The following NHSL3 variants were observed in gnomAD, a reference collection of about 807,000 sequenced individuals.
NHSL3 encodes the protein NHS-like protein 3.
At chr1:32,755,172 GAGTGCCT>G in the NHSL3 span, among the ~76,000 whole-genome samples, 2 of 152,272 alleles carry the variant, frequency 1.3e-5, no homozygotes, top group African/African-American at 4.8e-5. Context: ...GGGCTATCGA[GAGTGCCT>G]AGTTACTGGT....
At chr1:32,760,163 A>C in the NHSL3 span, among the ~76,000 whole-genome samples, 1 of 152,324 alleles carries the variant, frequency 6.6e-6, no homozygotes, top group African/African-American at 2.4e-5. Flanking sequence ...GGCCAGGGAC[A>C]GTTCAGACAG....
the NHSL3 span, among the ~76,000 whole-genome samples, chr1:32,762,797 C>T: frequency 6.6e-6 from 1 of 152,032 alleles, no homozygotes; most frequent in Non-Finnish European, 1.5e-5. Flanking sequence ...ACCATATTGA[C>T]CAGGCTGGTC....
the NHSL3 span, chr1:32,771,329 T>C: frequency 6.3e-7 from 1 of 1,594,298 alleles, no homozygotes; most frequent in Admixed American, 1.7e-5. Context: ...TTGACTCCAC[T>C]GCAGGAGTCT....
chr1:32,752,702 CAA>C, the NHSL3 span, among the ~76,000 whole-genome samples: 3 of 150,762 alleles, frequency 2.0e-5, no homozygotes, highest in Non-Finnish European at 4.4e-5. Flanking sequence ...CTCAGCCTCC[CAA>C]GTAGCTGGGA....
the NHSL3 span, among the ~76,000 whole-genome samples, chr1:32,747,141 C>G: frequency 1.3e-5 from 2 of 151,248 alleles, no homozygotes; most frequent in Non-Finnish European, 2.9e-5. Flanking sequence ...TCCTGCCCCT[C>G]TTTGGACCAG....
At chr1:32,752,502 G>A in the NHSL3 span, among the ~76,000 whole-genome samples, 1 of 152,176 alleles carries the variant, frequency 6.6e-6, no homozygotes, top group African/African-American at 2.4e-5. Flanking sequence ...CCCAGGCAAT[G>A]GGGCCCTGGG....
At chr1:32,759,802 C>T in the NHSL3 span, among the ~76,000 whole-genome samples, 1 of 152,222 alleles carries the variant, frequency 6.6e-6, no homozygotes, top group South Asian at 2.1e-4. Context: ...GACCCAGGTT[C>T]AACCACTCCC....
At chr1:32,761,020 T>C in the NHSL3 span, among the ~76,000 whole-genome samples, 2 of 152,086 alleles carry the variant, frequency 1.3e-5, no homozygotes, top group African/African-American at 4.8e-5. Context: ...CGGTGTGCCC[T>C]CCGTGCTGGG....
At chr1:32,750,751 C>T in the NHSL3 span, among the ~76,000 whole-genome samples, 1 of 152,084 alleles carries the variant, frequency 6.6e-6, no homozygotes, top group East Asian at 1.9e-4. Flanking sequence ...TGTGATCTGC[C>T]CGCCTCAGCC....
At chr1:32,762,821 C>G in the NHSL3 span, among the ~76,000 whole-genome samples, 1 of 152,146 alleles carries the variant, frequency 6.6e-6, no homozygotes, top group Non-Finnish European at 1.5e-5. Flanking sequence ...AACTCCTGAC[C>G]TCGTGATCCA....
At chr1:32,744,187 A>G in the NHSL3 span, among the ~76,000 whole-genome samples, 1 of 152,028 alleles carries the variant, frequency 6.6e-6, no homozygotes, top group Non-Finnish European at 1.5e-5. Flanking sequence ...TGGGGAAGTC[A>G]TTATCTCCTC....
At chr1:32,764,463 GTTTTT>G in the NHSL3 span, among the ~76,000 whole-genome samples, 1 of 150,516 alleles carries the variant, frequency 6.6e-6, no homozygotes, top group Non-Finnish European at 1.5e-5. Context: ...CAACCATCTT[GTTTTT>G]TTCTTTTTTT....
At chr1:32,770,070 C>A in the NHSL3 span, 1 of 1,560,790 alleles carries the variant, frequency 6.4e-7, no homozygotes, top group Non-Finnish European at 8.7e-7. The surrounding 1 kb of genome is among the most constrained non-coding windows in gnomAD (Gnocchi z 8.3). Flanking sequence ...GCCACATTGA[C>A]CGTGTCTACC....
At chr1:32,772,296 C>CCCAAA in the NHSL3 span, 1 of 1,541,732 alleles carries the variant, frequency 6.5e-7, no homozygotes, top group Non-Finnish European at 9.0e-7. Context: ...CCGCCTCCCC[C>CCCAAA]AGTTACCCTC....
the NHSL3 span, among the ~76,000 whole-genome samples, chr1:32,749,036 A>T: frequency 6.6e-6 from 1 of 152,202 alleles, no homozygotes; most frequent in Non-Finnish European, 1.5e-5. Flanking sequence ...CCTGGGCCTC[A>T]TGAACCTCAC....
chr1:32,773,595 G>A, the NHSL3 span: 1 of 153,306 alleles, frequency 6.5e-6, no homozygotes. Context: ...TCTGCCAGGT[G>A]CTCCATGCTG....
the NHSL3 span, among the ~76,000 whole-genome samples, chr1:32,764,294 C>T: frequency 6.6e-6 from 1 of 151,232 alleles, no homozygotes; most frequent in Admixed American, 6.6e-5. Context: ...TTACCTCATC[C>T]ATGTATTCAT....
the NHSL3 span, among the ~76,000 whole-genome samples, chr1:32,766,220 G>T: frequency 6.6e-6 from 1 of 152,172 alleles, no homozygotes; most frequent in South Asian, 2.1e-4. Context: ...TGGAAGTTGG[G>T]AAGCCTGCTC....
At chr1:32,743,233 G>A in the NHSL3 span, among the ~76,000 whole-genome samples, 4 of 152,280 alleles carry the variant, frequency 2.6e-5, no homozygotes, top group African/African-American at 9.6e-5. Flanking sequence ...CTGGGTGTGC[G>A]GGCCCATCCC....
Sources: gnomAD v4.1 joint callset for allele counts (sites outside exome capture counted in the v4.1 genomes callset) on GRCh38, gnomAD v4.1.1 for gene constraint, Gnocchi (gnomAD v3.1) non-coding constraint, MANE v1.5 for transcripts, NCBI Gene and HGNC (gene_info 2026-07-23, HGNC 2026-07-21) for gene names.